TPX2: variants seen among roughly 807,000 people sequenced by gnomAD.
TPX2 encodes targeting protein for Xklp2.
TPX2 carries 21 observed loss-of-function variants against 93.6 expected under a neutral mutation model. That is an observed-to-expected ratio of 0.22 (90% confidence interval 0.16 to 0.32). The LOEUF is 0.32. TPX2 is among the 10% of genes least tolerant of loss of function. The pLI, the probability that TPX2 is intolerant of heterozygous loss-of-function variation, is 1.00. For synonymous variants in TPX2, 281 were observed against 298.3 expected (o/e 0.94, Z 0.60); for missense variants, 776 against 871.1 (o/e 0.89, Z 1.37).
chr20:31,782,338 A>T lies in TPX2; in HGVS notation c.1144A>T (p.Thr382Ser), dbSNP rs935998072. 7 of 1,613,762 alleles carry T rather than the reference A, an allele frequency of 4.3e-6. No homozygotes were observed. The highest frequency in any genetic ancestry group is 5.1e-6 in the Non-Finnish European group (6 of 1,179,848). ...AACCAAACACCGTGCACGGGCTGTG[A>T]CCTGCAAAAGTACAGCAGAGCTGGA... ...LQTKHRARAV[T>S]CKSTAELEAE... Residue 382 changes from threonine (T) to serine (S), a missense_variant, in exon 11 of 18, where the codon ACC becomes TCC. This residue lies in a region of TPX2 where 461 missense variants were observed against 551.2 expected (regional missense o/e 0.84). Coordinates refer to ENST00000300403, the MANE Select transcript of TPX2 (RefSeq NM_012112.5).
intron 5 of TPX2, among the ~76,000 whole-genome samples, chr20:31,768,402 A>ATTTTTT (rs71272861): frequency 7.1e-6 from 1 of 140,348 alleles, no homozygotes. Flanking sequence ...CGCGCGGCTA[A>ATTTTTT]TTTTTTTTTT....
At chr20:31,776,605 A>G (rs2123042002) in intron 8 of TPX2, among the ~76,000 whole-genome samples, 1 of 151,194 alleles carries the variant, frequency 6.6e-6, no homozygotes, top group South Asian at 2.1e-4. Flanking sequence ...CGCTCAACAC[A>G]ACCTCTGCCT....
At chr20:31,796,564 G>A (rs1331863726) in intron 15 of TPX2, among the ~76,000 whole-genome samples, 1 of 152,110 alleles carries the variant, frequency 6.6e-6, no homozygotes, top group Non-Finnish European at 1.5e-5. Context: ...TGAATAAACT[G>A]GATTGTTTGT....
intron 2 of TPX2, among the ~76,000 whole-genome samples, chr20:31,745,262 G>C (rs921391658): frequency 1.3e-5 from 2 of 151,340 alleles, no homozygotes; most frequent in Admixed American, 1.3e-4. Flanking sequence ...AATATAAAAA[G>C]CTTCATGGTT....
rs769872774 is a variant in TPX2 at position 31,793,970 on chromosome 20, C to T, written c.1632C>T (p.Asp544=). The change falls in exon 14 of 18, where the codon GAC becomes GAT. Residue 544 remains aspartate, a synonymous_variant. Transcript: ENST00000300403. The part of the protein sequence containing the change: ...EICPFSFDSR[D]KERQLQKEKK... The stretch of plus-strand genomic sequence containing the variant: ...GCCCTTTCTCGTTTGATTCTCGAGA[C>T]AAAGAACGTCAGTTACAGAAGGAGA... 1.9e-6 allele frequency: 3 copies of T among 1,613,276 alleles called. No individual in the cohort carries two copies. The highest frequency in any genetic ancestry group is 2.5e-6 in the Non-Finnish European group (3 of 1,179,748).
At chr20:31,799,833 C>T (rs1043499933) in intron 17 of TPX2, among the ~76,000 whole-genome samples, 2 of 146,434 alleles carry the variant, frequency 1.4e-5, no homozygotes, top group African/African-American at 5.0e-5. Flanking sequence ...CTGGGAGGCC[C>T]AGGTTGCAGT....
Position 31,782,230 on chromosome 20 carries a change from C to G in TPX2, c.1055-19C>G, listed in dbSNP as rs1396744937. The G allele has an allele frequency of 6.3e-7, 1 of 1,595,508 alleles. No homozygotes were observed. The highest frequency in any genetic ancestry group is 1.8e-5 in the Admixed American group (1 of 56,764). Reference sequence around the variant, plus strand: ...GGGTCTTGCGGATCTAGATGAACATCTGTCATCTCTGTTTACAGACCTGTT... The same window carrying G: ...GGGTCTTGCGGATCTAGATGAACATGTGTCATCTCTGTTTACAGACCTGTT... On this transcript the variant is annotated intron_variant, in intron 10 of 17. Coordinates refer to ENST00000300403, the MANE Select transcript of TPX2 (RefSeq NM_012112.5).
intron 2 of TPX2, among the ~76,000 whole-genome samples, chr20:31,749,699 G>T (rs2061806899): frequency 6.6e-6 from 1 of 151,880 alleles, no homozygotes; most frequent in Non-Finnish European, 1.5e-5. Context: ...GGAGGCTGAG[G>T]CAGGAGAATC....
intron 2 of TPX2, among the ~76,000 whole-genome samples, chr20:31,746,330 C>G (rs1028564193): frequency 1.3e-5 from 2 of 152,066 alleles, no homozygotes; most frequent in Non-Finnish European, 2.9e-5. Flanking sequence ...CCCTTATATA[C>G]AAGAAAAAAA....
chr20:31,794,646 A>C (rs1012607781), intron 15 of TPX2, 98 bp downstream of exon 15: 5 of 1,446,946 alleles, frequency 3.5e-6, no homozygotes, highest in East Asian at 2.3e-5. Context: ...AACATGCTAC[A>C]TTGTTTCAGG....
At chr20:31,777,853 T>C (rs1004769453) in intron 9 of TPX2, among the ~76,000 whole-genome samples, 1 of 151,824 alleles carries the variant, frequency 6.6e-6, no homozygotes, top group African/African-American at 2.4e-5. Context: ...TTCGGCTCAC[T>C]GTAACCTCCG....
chr20:31,764,394 C>A (rs2061911332), intron 4 of TPX2, among the ~76,000 whole-genome samples: 1 of 152,090 alleles, frequency 6.6e-6, no homozygotes, highest in Admixed American at 6.5e-5. Context: ...GTTTTGAACT[C>A]CTGGGCTCAA....
chr20:31,777,780 C>CTTTTTT, intron 9 of TPX2, 142 bp downstream of exon 9: 1 of 614,616 alleles, frequency 1.6e-6, no homozygotes, highest in African/African-American at 2.0e-5. Context: ...TATAACAGAT[C>CTTTTTT]TTTTTTTTTT....
At chr20:31,744,287 C>T (rs979678201) in intron 2 of TPX2, among the ~76,000 whole-genome samples, 7 of 151,202 alleles carry the variant, frequency 4.6e-5, no homozygotes, top group Admixed American at 2.0e-4. Flanking sequence ...CTCAGCCTCC[C>T]GAGTAGCTGG....
chr20:31,785,129 G>C (rs1407311251), intron 12 of TPX2, among the ~76,000 whole-genome samples: 1 of 152,200 alleles, frequency 6.6e-6, no homozygotes, highest in Non-Finnish European at 1.5e-5. Flanking sequence ...GCTTAGAAAT[G>C]GTTCTCCTCC....
In TPX2 at chr20:31,778,873, A is replaced by G. The variant is rs1311443640; in HGVS notation, c.943A>G (p.Arg315Gly). The G allele has an allele frequency of 6.2e-7, 1 of 1,612,328 alleles. No homozygotes were observed. The highest frequency in any genetic ancestry group is 8.5e-7 in the Non-Finnish European group (1 of 1,179,558). ...KPFNLSQGKK[R>G]TFDETVSTYV... ...TTTCAACCTGTCCCAAGGAAAGAAA[A>G]GAACATTTGATGAAACAGTTTCTAC... The change falls in exon 10 of 18, where the codon AGA (arginine) becomes GGA (glycine). Residue 315 changes from arginine to glycine, a missense_variant. Physicochemically the swap from Arg to Gly is moderately radical, Grantham distance 125. Coordinates refer to ENST00000300403, the MANE Select transcript of TPX2 (RefSeq NM_012112.5).
chr20:31,765,570 C>G (rs1202154857), intron 4 of TPX2, among the ~76,000 whole-genome samples: 2 of 152,082 alleles, frequency 1.3e-5, no homozygotes, highest in African/African-American at 4.8e-5. Flanking sequence ...CTCCGTCTTC[C>G]CAGTAGCTGT....
At chr20:31,793,827 A>G (rs2097880885) in intron 13 of TPX2, 21 bp from the exon 14 acceptor site, 1 of 1,548,492 alleles carries the variant, frequency 6.5e-7, no homozygotes, top group South Asian at 1.2e-5. Context: ...TCTTATTTCT[A>G]AACTGCAATT....
chr20:31,751,851 T>C (rs1600356131), intron 2 of TPX2, among the ~76,000 whole-genome samples: 1 of 152,328 alleles, frequency 6.6e-6, no homozygotes, highest in East Asian at 1.9e-4. Context: ...CAAGTGATTC[T>C]CCTGCCTCAG....
Sources: gnomAD v4.1 joint callset for allele counts (sites outside exome capture counted in the v4.1 genomes callset) on GRCh38, gnomAD v4.1.1 for gene constraint, gnomAD v4.1.1 regional missense constraint, MANE v1.5 for transcripts, NCBI Gene and HGNC (gene_info 2026-07-23, HGNC 2026-07-21) for gene names.